Variants in AS3MT observed in about 807,000 individuals in gnomAD.
AS3MT encodes the protein arsenite methyltransferase, also known as S-adenosyl-L-methionine:arsenic(III) methyltransferase.
A neutral mutation model predicts 45.3 loss-of-function variants in AS3MT; 47 were observed. That is an observed-to-expected ratio of 1.04 (90% CI 0.82 to 1.32). The LOEUF (loss-of-function observed/expected upper bound fraction) is 1.32. Among genes scored for constraint, AS3MT ranks in the 40% most tolerant of loss-of-function variants. The pLI is 0.00. For synonymous variants in AS3MT, 141 were observed against 152.8 expected (o/e 0.92, Z 0.57); for missense variants, 396 against 451.1 (o/e 0.88, Z 1.11).
chr10:102,889,011 G>A (rs1008396762), intron 9 of AS3MT, among the ~76,000 whole-genome samples: 3 of 149,714 alleles, frequency 2.0e-5, no homozygotes, highest in African/African-American at 4.9e-5. Context: ...CTGCCTCAGC[G>A]CCCCGAGTAG....
At chr10:102,888,104 G>T in intron 9 of AS3MT, 1 of 164,484 alleles carries the variant, frequency 6.1e-6, no homozygotes, top group Non-Finnish European at 1.3e-5. Flanking sequence ...TGCAAAAACT[G>T]CTCAAAATTG....
intron 10 of AS3MT, among the ~76,000 whole-genome samples, chr10:102,893,687 G>C (rs1452096431): frequency 6.6e-6 from 1 of 151,978 alleles, no homozygotes; most frequent in Non-Finnish European, 1.5e-5. Context: ...TTTTAGTAGA[G>C]ATGGGGTTTC....
intron 10 of AS3MT, among the ~76,000 whole-genome samples, chr10:102,891,059 T>C (rs892573469): frequency 5.3e-5 from 8 of 152,160 alleles, no homozygotes; most frequent in African/African-American, 1.7e-4. Context: ...GGTCAAATGT[T>C]GTTAGACGGT....
Position 102,890,562 on chromosome 10 carries a change from G to A in AS3MT, c.904G>A (p.Val302Met). The A allele has an allele frequency of 6.2e-7, 1 of 1,600,084 alleles. No homozygotes were observed. The highest frequency in any genetic ancestry group is 1.3e-5 in the African/African-American group (1 of 74,088). ...CCTTTAGGAAGGTGAAATTGTTGAA[G>A]TGGATGAAGAAACAGCAGCTATCTT... ...FTFKEGEIVE[V>M]DEETAAILKN... The change falls in exon 10 of 11, where the codon GTG (valine) becomes ATG (methionine). Residue 302 changes from valine (V) to methionine (M), a missense_variant. Physicochemically the swap from Val to Met is conservative, Grantham distance 21. Coordinates refer to ENST00000369880, the MANE Select transcript of AS3MT (RefSeq NM_020682.4).
At chr10:102,879,586 C>A (rs1004083174) in intron 9 of AS3MT, among the ~76,000 whole-genome samples, 1 of 151,592 alleles carries the variant, frequency 6.6e-6, no homozygotes, top group African/African-American at 2.4e-5. Flanking sequence ...ACGAACATGG[C>A]GAAAACCCAT....
At chr10:102,888,754 A>G (rs1333391514) in intron 9 of AS3MT, among the ~76,000 whole-genome samples, 1 of 149,966 alleles carries the variant, frequency 6.7e-6, no homozygotes, top group Admixed American at 6.7e-5. Flanking sequence ...CATTCAAATT[A>G]TTCTCTTCTA....
Position 102,874,079 on chromosome 10 carries a change from C to T in AS3MT, c.459-513C>T, listed in dbSNP as rs140313196. Among the ~76,000 whole-genome samples, 117 of 152,190 alleles carry T rather than the reference C, an allele frequency of 7.7e-4. 3 individuals are homozygous for T. The East Asian group carries it at 0.022, about 29-fold the overall frequency. ...ACCAGCTTGAACAACATGGCGAAAC[C>T]CCGTCTCTACTAAAAATACAAAAAT... On this transcript the variant is annotated intron_variant, in intron 5 of 10. Coordinates refer to ENST00000369880, the MANE Select transcript of AS3MT (RefSeq NM_020682.4).
chr10:102,879,894 G>GTATA (rs34006263), intron 9 of AS3MT, among the ~76,000 whole-genome samples: 3 of 149,296 alleles, frequency 2.0e-5, no homozygotes, highest in African/African-American at 4.9e-5. Flanking sequence ...GTTTATATGT[G>GTATA]TATATATATA....
At position 102,881,723 on chromosome 10, in the gene AS3MT, AT is replaced by A. The variant is rs1844868896; in HGVS notation, c.885+2737del. Among the ~76,000 whole-genome samples, 1 of 151,768 alleles carries A rather than the reference AT, an allele frequency of 6.6e-6. No homozygotes were observed. Reference sequence around the variant, plus strand: ...TGGAAGAACTTACTATTAATATTTCATTTTTCTGATTTATTTATTTATCTAT... The same window carrying A: ...TGGAAGAACTTACTATTAATATTTCATTTTCTGATTTATTTATTTATCTAT... On this transcript the variant is annotated intron_variant, in intron 9 of 10. Transcript: ENST00000369880. The surrounding 1 kb of genome is among the most constrained non-coding windows in gnomAD (Gnocchi z 4.2).
chr10:102,889,245 C>G (rs981904437), intron 9 of AS3MT, among the ~76,000 whole-genome samples: 8 of 151,828 alleles, frequency 5.3e-5, no homozygotes, highest in Admixed American at 5.3e-4. Context: ...CATTCTGTAC[C>G]CTTTCTGGCC....
intron 6 of AS3MT, among the ~76,000 whole-genome samples, chr10:102,875,768 G>A (rs1158854327): frequency 2.0e-5 from 3 of 151,786 alleles, no homozygotes; most frequent in Admixed American, 1.3e-4. Context: ...GACTACAGGC[G>A]TGTGCCACCA....
chr10:102,872,453 A>G lies in AS3MT; in HGVS notation c.176A>G (p.Tyr59Cys). The G allele has an allele frequency of 6.2e-7, 1 of 1,613,764 alleles. No homozygotes were observed. Among genetic ancestry groups the G allele is most frequent in the East Asian group, 2.2e-5 (1 of 44,874 alleles). ...ATGTGTTTTCCATTTCCCAGATATT[A>G]TGGCTGTGGTCTGGTGATCCCTGAG... is the stretch of plus-strand genomic sequence containing the variant. Reference protein sequence around the residue: ...NVHEEVALRYYGCGLVIPEHL... With the variant: ...NVHEEVALRYCGCGLVIPEHL... Residue 59 changes from tyrosine to cysteine, a missense_variant, in exon 4 of 11, where the codon TAT becomes TGT. By Grantham distance (194) the Tyr-to-Cys change is radical (BLOSUM62 -2). Transcript: ENST00000369880.
chr10:102,888,825 C>T (rs1374351217), intron 9 of AS3MT, among the ~76,000 whole-genome samples: 1 of 145,764 alleles, frequency 6.9e-6, no homozygotes, highest in African/African-American at 2.5e-5. Context: ...ATATCAAACA[C>T]TAGGTCTTAT....
At position 102,878,765 on chromosome 10, in the gene AS3MT, A is replaced by T. The variant is rs1028450615; in HGVS notation, c.743-84A>T. ...ACATGCAAGGAAGAAAATCATCTTT[A>T]TAACGTGTTTGCTCCTTGTCTGCTG... On this transcript the variant is annotated intron_variant, in intron 8 of 10. Coordinates refer to ENST00000369880, the MANE Select transcript of AS3MT (RefSeq NM_020682.4). 10 of 1,499,446 alleles carry T rather than the reference A, an allele frequency of 6.7e-6. No homozygotes were observed. The Admixed American group carries it at 2.1e-4, about 32-fold the overall frequency. 92.9% of individuals were successfully genotyped at this position (1,499,446 alleles called of 1,614,324 possible).
chr10:102,879,059 C>T, intron 9 of AS3MT, 68 bp downstream of exon 9: 3 of 1,510,168 alleles, frequency 2.0e-6, no homozygotes, highest in South Asian at 1.3e-5. Flanking sequence ...GCTATCTTTT[C>T]TTGACTTTGC....
intron 3 of AS3MT, among the ~76,000 whole-genome samples, chr10:102,871,420 G>A (rs12773892): frequency 0.24 from 36,945 of 151,138 alleles, 4,683 homozygotes; most frequent in East Asian, 0.42. Context: ...GGCGGCACGC[G>A]CCTGTAGTTC....
At chr10:102,875,681 G>A (rs1844774026) in intron 6 of AS3MT, among the ~76,000 whole-genome samples, 1 of 151,380 alleles carries the variant, frequency 6.6e-6, no homozygotes, top group Non-Finnish European at 1.5e-5. Flanking sequence ...GTAGTGCAGT[G>A]GCAGGATTTC....
At chr10:102,892,283 T>A (rs1481162707) in intron 10 of AS3MT, among the ~76,000 whole-genome samples, 3 of 152,098 alleles carry the variant, frequency 2.0e-5, no homozygotes, top group African/African-American at 7.2e-5. Context: ...GGTTAGAGAA[T>A]CCCCCGTTTG....
intron 10 of AS3MT, among the ~76,000 whole-genome samples, chr10:102,897,781 T>C (rs1468627215): frequency 6.6e-6 from 1 of 152,138 alleles, no homozygotes. Context: ...GGCTATTTTT[T>C]TTAAAAAAGG....
Sources: allele counts gnomAD v4.1 joint callset (sites outside exome capture counted in the v4.1 genomes callset), GRCh38; gene constraint gnomAD v4.1.1; non-coding constraint Gnocchi (gnomAD v3.1); transcripts MANE v1.5; gene names NCBI Gene and HGNC (gene_info 2026-07-23, HGNC 2026-07-21).